The following ZFHX4 variants were observed in gnomAD, a reference collection of about 807,000 sequenced individuals.
ZFHX4 encodes the protein zinc finger homeobox protein 4.
ZFHX4 carries 56 observed loss-of-function variants against 267.6 expected under a neutral mutation model. The ratio of observed to expected loss-of-function variants is 0.21; its 90% confidence interval spans 0.17 to 0.26. The LOEUF (loss-of-function observed/expected upper bound fraction) is 0.26, where lower values mean the gene tolerates loss of function less well. ZFHX4 is among the 10% of genes least tolerant of loss of function. The pLI, the probability that ZFHX4 is intolerant of heterozygous loss-of-function variation, is 1.00. For missense variants in ZFHX4, 4,332 were observed against 4,420.0 expected (o/e 0.98, Z 0.56); for synonymous variants, 1,778 against 1,665.6 (o/e 1.07, Z -1.64).
chr8:76,703,170 T>C (rs570913591), intron 1 of ZFHX4, among the ~76,000 whole-genome samples: 4 of 152,032 alleles, frequency 2.6e-5, no homozygotes, highest in African/African-American at 9.7e-5. Context: ...TCATTGGGAG[T>C]GCTTGTGTGT....
chr8:76,720,934 A>G (rs1254545427), intron 3 of ZFHX4, among the ~76,000 whole-genome samples: 3 of 152,132 alleles, frequency 2.0e-5, no homozygotes, highest in Admixed American at 6.6e-5. Context: ...CAGGACTTGA[A>G]CTCAGACTGT....
At chr8:76,846,998 T>G (rs1195656956) in intron 6 of ZFHX4, among the ~76,000 whole-genome samples, 2 of 152,162 alleles carry the variant, frequency 1.3e-5, no homozygotes, top group African/African-American at 4.8e-5. Flanking sequence ...CAGAGTATTA[T>G]TCTCCTAAGG....
chr8:76,850,304 G>A lies in ZFHX4; in HGVS notation c.3906G>A (p.Glu1302=). The A allele has an allele frequency of 6.2e-7, 1 of 1,613,340 alleles. No individual in the cohort carries two copies. ...TGCTACTGCCAGCAGCTGCCTCTGA[G>A]AAATCAGAGCGGGACACACCTGCAG... The part of the protein sequence containing the change: ...NSMLLPAAAS[E]KSERDTPAAV... The change falls in exon 9 of 11, where the codon GAG becomes GAA. Residue 1302 remains glutamate, a synonymous_variant. Transcript: ENST00000651372.
chr8:76,747,465 C>T (rs941068338), intron 3 of ZFHX4, among the ~76,000 whole-genome samples: 21 of 152,250 alleles, frequency 1.4e-4, no homozygotes, highest in African/African-American at 4.8e-4. Flanking sequence ...CTATTGTTCC[C>T]CTCTTTGTGT....
chr8:76,722,501 A>G (rs949772426), intron 3 of ZFHX4, among the ~76,000 whole-genome samples: 4 of 152,026 alleles, frequency 2.6e-5, no homozygotes, highest in African/African-American at 9.7e-5. Flanking sequence ...AGTGAAAAAT[A>G]TACACAAATA....
intron 5 of ZFHX4, among the ~76,000 whole-genome samples, chr8:76,835,219 G>GTATATATA (rs773901442): frequency 1.1e-4 from 8 of 76,088 alleles, no homozygotes; most frequent in East Asian, 4.1e-4. Context: ...GTATATATAT[G>GTATATATA]TATATATATA....
chr8:76,763,660 T>C (rs1391852738), intron 3 of ZFHX4, among the ~76,000 whole-genome samples: 1 of 152,146 alleles, frequency 6.6e-6, no homozygotes, highest in Non-Finnish European at 1.5e-5. Flanking sequence ...AGTGATGTAT[T>C]ATTATATATG....
chr8:76,685,422 G>T (rs952659514), intron 1 of ZFHX4, among the ~76,000 whole-genome samples: 1 of 152,134 alleles, frequency 6.6e-6, no homozygotes, highest in African/African-American at 2.4e-5. Context: ...TTCATAGACC[G>T]TTTTAGGATT....
At chr8:76,809,078 G>A (rs140704988) in intron 4 of ZFHX4, among the ~76,000 whole-genome samples, 108 of 151,906 alleles carry the variant, frequency 7.1e-4, no homozygotes, top group Admixed American at 2.8e-3. Context: ...AGACCATCTG[G>A]ATATCATACC....
Position 76,738,712 on chromosome 8 carries a change from T to TTCTCTCTC in ZFHX4, c.3093+30681_3093+30688dup, listed in dbSNP as rs571087005. 5.1e-3 allele frequency among the ~76,000 whole-genome samples: 632 copies of TTCTCTCTC among 123,856 alleles called. 10 individuals carry two copies. Among genetic ancestry groups the TTCTCTCTC allele is most frequent in the African/African-American group, 0.018 (602 of 33,454 alleles). The allele number at this position is 123,856 out of a possible 152,430, so 81.3% of individuals were successfully genotyped here. A position where few individuals can be genotyped will look rare whatever the true frequency, so the allele number is the denominator to read the frequency against. On this transcript the variant is annotated intron_variant, in intron 3 of 10. Transcript: ENST00000651372. The stretch of plus-strand genomic sequence containing the variant: ...CTCCTCCCTCCCTTTCTCTCTCTCT[T>TTCTCTCTC]TCTCTCTCTCTCTCTCTCTCTCTCC...
Position 76,866,941 on chromosome 8 carries a change from A to G in ZFHX4, c.*2376A>G, listed in dbSNP as rs1232046535. The G allele has an allele frequency of 6.6e-6, 1 of 152,612 alleles. No homozygotes were observed. The highest frequency in any genetic ancestry group is 6.6e-5 in the Admixed American group (1 of 15,260). 9.5% of individuals were successfully genotyped at this position (152,612 alleles called of 1,614,324 possible). A position where few individuals can be genotyped will look rare whatever the true frequency, so the allele number is the denominator to read the frequency against. On this transcript the variant is annotated 3_prime_UTR_variant, in exon 11 of 11. Coordinates refer to ENST00000651372, the MANE Select transcript of ZFHX4 (RefSeq NM_024721.5). The stretch of plus-strand genomic sequence containing the variant: ...ACAGCGCAATCATTGTCTACACAAC[A>G]TGTACTCTCAACGCCTGGGTTACAT...
At chr8:76,779,497 A>G (rs1043925798) in intron 4 of ZFHX4, among the ~76,000 whole-genome samples, 1 of 152,124 alleles carries the variant, frequency 6.6e-6, no homozygotes, top group Non-Finnish European at 1.5e-5. Flanking sequence ...GCATCAGTGA[A>G]TCAGAATAGA....
chr8:76,839,950 A>C (rs138131569), intron 5 of ZFHX4, among the ~76,000 whole-genome samples: 46 of 152,284 alleles, frequency 3.0e-4, no homozygotes, highest in African/African-American at 1.1e-3. Context: ...TGAATGTCAA[A>C]TTTATTTCTA....
chr8:76,754,412 C>A (rs1745648742), intron 3 of ZFHX4, among the ~76,000 whole-genome samples: 2 of 151,982 alleles, frequency 1.3e-5, no homozygotes, highest in Admixed American at 6.6e-5. Context: ...TCACTTGAGA[C>A]CAAGAGGTGG....
At chr8:76,843,407 C>T (rs1004067606) in intron 6 of ZFHX4, among the ~76,000 whole-genome samples, 1 of 152,046 alleles carries the variant, frequency 6.6e-6, no homozygotes, top group Non-Finnish European at 1.5e-5. Flanking sequence ...TAGACAAATC[C>T]CAGTAATGAA....
intron 4 of ZFHX4, among the ~76,000 whole-genome samples, chr8:76,827,904 A>G (rs899396534): frequency 5.3e-5 from 8 of 152,246 alleles, no homozygotes; most frequent in African/African-American, 1.7e-4. Context: ...ACACTGGAGC[A>G]TCCAATGCAC....
At chr8:76,759,576 C>A (rs1809855242) in intron 3 of ZFHX4, among the ~76,000 whole-genome samples, 2 of 152,152 alleles carry the variant, frequency 1.3e-5, no homozygotes, top group South Asian at 4.1e-4. Context: ...CTCCATTATT[C>A]TAGGAGATGG....
chr8:76,744,546 G>A (rs957460622), intron 3 of ZFHX4, among the ~76,000 whole-genome samples: 1 of 151,942 alleles, frequency 6.6e-6, no homozygotes, highest in Non-Finnish European at 1.5e-5. Flanking sequence ...CCAAGTAGCT[G>A]AGACTACAGG....
intron 4 of ZFHX4, among the ~76,000 whole-genome samples, chr8:76,826,427 TAAA>T (rs956739159): frequency 7.9e-5 from 12 of 152,132 alleles, no homozygotes; most frequent in Non-Finnish European, 1.8e-4. Context: ...GAAGTAAAGA[TAAA>T]GAAGTACTGC....
Sources: gnomAD v4.1 joint callset for allele counts (sites outside exome capture counted in the v4.1 genomes callset) on GRCh38, gnomAD v4.1.1 for gene constraint, MANE v1.5 for transcripts, NCBI Gene and HGNC (gene_info 2026-07-23, HGNC 2026-07-21) for gene names.